ZMYM2: variants seen among roughly 807,000 people sequenced by gnomAD.
ZMYM2 encodes zinc finger MYM-type protein 2.
Under a neutral mutation model 162.8 loss-of-function variants are expected in ZMYM2, and 56 were observed. The ratio of observed to expected loss-of-function variants is 0.34; its 90% CI spans 0.28 to 0.43. The LOEUF is 0.43. Among genes scored for constraint, ZMYM2 ranks in the 20% least tolerant of loss-of-function variants. The pLI, the probability that ZMYM2 is intolerant of heterozygous loss-of-function variation, is 1.00. For synonymous variants in ZMYM2, 510 were observed against 541.6 expected, an observed-to-expected ratio of 0.94 and a Z score of 0.81; for missense variants, 1,275 against 1,621.8, an observed-to-expected ratio of 0.79 and a Z score of 3.67.
the ZMYM2 span, among the ~76,000 whole-genome samples, chr13:19,937,429 C>T: frequency 4.0e-5 from 6 of 149,852 alleles, no homozygotes; most frequent in Admixed American, 3.3e-4. Context: ...TGAGCCACTG[C>T]GCCCGGCCTA....
At chr13:20,011,867 G>A (rs981364488) in intron 6 of ZMYM2, among the ~76,000 whole-genome samples, 3 of 151,782 alleles carry the variant, frequency 2.0e-5, no homozygotes, top group South Asian at 4.1e-4. Context: ...TCCTGCCTCA[G>A]CCTCCCGAGT....
intron 2 of ZMYM2, among the ~76,000 whole-genome samples, chr13:19,978,101 A>G (rs1403394797): frequency 7.0e-6 from 1 of 143,172 alleles, no homozygotes; most frequent in African/African-American, 2.6e-5. Context: ...ATGGTCTTGA[A>G]CTCCTGACCT....
intron 6 of ZMYM2, among the ~76,000 whole-genome samples, chr13:20,016,635 T>C (rs1203912111): frequency 6.6e-6 from 1 of 151,966 alleles, no homozygotes; most frequent in Non-Finnish European, 1.5e-5. Context: ...GTTTGAAAGC[T>C]TTTTTTTCTC....
the ZMYM2 span, among the ~76,000 whole-genome samples, chr13:19,918,982 T>C: frequency 1.3e-5 from 2 of 152,282 alleles, no homozygotes; most frequent in African/African-American, 4.8e-5. Flanking sequence ...ACCTCAAAGA[T>C]GTCCCATGTG....
the ZMYM2 span, among the ~76,000 whole-genome samples, chr13:19,914,520 C>T: frequency 6.6e-6 from 1 of 152,232 alleles, no homozygotes; most frequent in East Asian, 1.9e-4. Flanking sequence ...CACCATTCCC[C>T]AGGGTGATCA....
intron 2 of ZMYM2, among the ~76,000 whole-genome samples, chr13:19,980,900 A>G (rs1440209788): frequency 6.6e-6 from 1 of 151,864 alleles, no homozygotes; most frequent in Non-Finnish European, 1.5e-5. Context: ...GAAAATTGAT[A>G]TCTTTATGTT....
chr13:19,891,602 C>A, the ZMYM2 span, among the ~76,000 whole-genome samples: 1 of 139,642 alleles, frequency 7.2e-6, no homozygotes, highest in African/African-American at 2.7e-5. Context: ...AAAGCAAGAT[C>A]ACCTTTACAA....
In ZMYM2 at chr13:19,993,763, G is replaced by A. The variant is rs376753667; in HGVS notation, c.691G>A (p.Gly231Arg). Residue 231 changes from glycine (G) to arginine (R), a missense_variant, in exon 3 of 25, where the codon GGA becomes AGA. Coordinates refer to ENST00000610343, the MANE Select transcript of ZMYM2 (RefSeq NM_197968.4). Reference sequence around the variant, plus strand: ...TACCAACTTGGGAGATGTCTCTAACGGACTGCAGTCAAGTAATTTTGGTGT... The same window carrying A: ...TACCAACTTGGGAGATGTCTCTAACAGACTGCAGTCAAGTAATTTTGGTGT... ...QNTNLGDVSN[G>R]LQSSNFGVNI... 19 of 1,613,944 alleles carry A rather than the reference G, an allele frequency of 1.2e-5. No individual in the cohort carries two copies. The highest frequency in any genetic ancestry group is 6.7e-5 in the African/African-American group (5 of 74,892).
chr13:20,064,503 C>G lies in ZMYM2; in HGVS notation c.3090C>G (p.Gly1030=). 1 of 1,596,704 alleles carries G rather than the reference C, an allele frequency of 6.3e-7. No individual in the cohort carries two copies. Among genetic ancestry groups the G allele is most frequent in the South Asian group, 1.1e-5 (1 of 87,752 alleles). ...ENEFLLPPVF[G]EEYEEQPRPR... is the part of the protein sequence containing the mutation. ...AATTTTTATTACCACCTGTTTTTGGCGAAGAATATGAGGAACAGCCCAGAC... is the reference window on the plus strand; with the variant it reads ...AATTTTTATTACCACCTGTTTTTGGGGAAGAATATGAGGAACAGCCCAGAC... Residue 1030 remains glycine, a synonymous_variant, in exon 19 of 25, where the codon GGC becomes GGG. Coordinates refer to ENST00000610343, the MANE Select transcript of ZMYM2 (RefSeq NM_197968.4).
At chr13:19,866,389 G>A in the ZMYM2 span, among the ~76,000 whole-genome samples, 429 of 152,190 alleles carry the variant, frequency 2.8e-3, 10 homozygotes, top group East Asian at 0.045. Context: ...ATTCTGGCCC[G>A]GTGCGGTGGC....
the ZMYM2 span, among the ~76,000 whole-genome samples, chr13:19,875,553 G>A: frequency 2.1e-5 from 3 of 144,378 alleles, no homozygotes; most frequent in African/African-American, 5.1e-5. Context: ...GCTTGAACCC[G>A]GGAGGCGGAG....
chr13:19,961,694 GTA>G (rs141518781), intron 2 of ZMYM2, among the ~76,000 whole-genome samples: 2,083 of 152,304 alleles, frequency 0.014, 40 homozygotes, highest in African/African-American at 0.047. Context: ...GTCAACATAT[GTA>G]TACTAACGGA....
At chr13:20,025,423 A>T (rs1471578202) in intron 7 of ZMYM2, 2 of 175,914 alleles carry the variant, frequency 1.1e-5, no homozygotes, top group Non-Finnish European at 2.4e-5. Context: ...TTTGTGGAAG[A>T]TGGGGTCTTG....
At chr13:20,067,473 C>G in intron 21 of ZMYM2, 83 bp downstream of exon 21, 1 of 1,333,796 alleles carries the variant, frequency 7.5e-7, no homozygotes, top group Non-Finnish European at 1.0e-6. Flanking sequence ...ATTATGGAAC[C>G]TTTATTGACT....
At chr13:20,069,419 G>GTT (rs137951159) in intron 21 of ZMYM2, among the ~76,000 whole-genome samples, 2 of 86,910 alleles carry the variant, frequency 2.3e-5, no homozygotes, top group Admixed American at 1.6e-4. Flanking sequence ...ACCCTTTAGG[G>GTT]TTTTTTTTTT....
At chr13:19,893,598 G>A in the ZMYM2 span, among the ~76,000 whole-genome samples, 30 of 151,650 alleles carry the variant, frequency 2.0e-4, no homozygotes, top group African/African-American at 6.6e-4. Context: ...ACATTAGCCA[G>A]GCGTGGTGGC....
chr13:19,917,012 G>T, the ZMYM2 span, among the ~76,000 whole-genome samples: 1 of 152,106 alleles, frequency 6.6e-6, no homozygotes. Flanking sequence ...GCCCAGGTTG[G>T]AGTCCAGTGG....
At chr13:19,970,125 T>G in intron 2 of ZMYM2, 1 of 943,898 alleles carries the variant, frequency 1.1e-6, no homozygotes, top group Non-Finnish European at 1.3e-6. Flanking sequence ...TATGGAAAAT[T>G]TGTTATCAAA....
the ZMYM2 span, among the ~76,000 whole-genome samples, chr13:19,938,276 G>T: frequency 6.6e-6 from 1 of 152,130 alleles, no homozygotes; most frequent in Non-Finnish European, 1.5e-5. Context: ...GGAGGCTGAG[G>T]TGGGCGGATC....
Sources: allele counts gnomAD v4.1 joint callset (sites outside exome capture counted in the v4.1 genomes callset), GRCh38; gene constraint gnomAD v4.1.1; transcripts MANE v1.5; gene names NCBI Gene and HGNC (gene_info 2026-07-23, HGNC 2026-07-21).